Variants in DIS3L2 observed in about 807,000 individuals in gnomAD.
The protein encoded by DIS3L2 is DIS3 like 3'-5' exoribonuclease 2.
Under a neutral mutation model 97.5 loss-of-function variants are expected in DIS3L2, and 34 were observed. The observed-to-expected ratio is 0.35, with a 90% confidence interval of 0.27 to 0.46. The LOEUF (loss-of-function observed/expected upper bound fraction) is 0.46, where lower values mean the gene tolerates loss of function less well. DIS3L2 is among the 20% of genes least tolerant of loss of function. The pLI is 1.00. For missense variants in DIS3L2, 1,038 were observed against 1,146.0 expected (o/e 0.91, Z 1.36); for synonymous variants, 435 against 445.2 (o/e 0.98, Z 0.29).
chr2:232,184,422 G>C (rs973507591), intron 9 of DIS3L2, among the ~76,000 whole-genome samples: 3 of 152,154 alleles, frequency 2.0e-5, no homozygotes, highest in Admixed American at 1.3e-4. Context: ...CCAGTACTTT[G>C]GGTGGATTGA....
At chr2:232,115,617 A>C (rs754020823) in intron 6 of DIS3L2, among the ~76,000 whole-genome samples, 14 of 152,036 alleles carry the variant, frequency 9.2e-5, no homozygotes, top group Non-Finnish European at 1.3e-4. Flanking sequence ...GAGGGAGTTG[A>C]TTGGATCATG....
intron 8 of DIS3L2, among the ~76,000 whole-genome samples, chr2:232,161,081 C>T (rs551791666): frequency 6.6e-5 from 10 of 152,094 alleles, no homozygotes; most frequent in Non-Finnish European, 1.5e-4. Flanking sequence ...TCACGCCCAG[C>T]TAATTTTTGT....
intron 12 of DIS3L2, among the ~76,000 whole-genome samples, 189 bp downstream of exon 12, chr2:232,249,535 G>A (rs1036731611): frequency 1.3e-5 from 2 of 152,212 alleles, no homozygotes; most frequent in African/African-American, 4.8e-5. Flanking sequence ...TAGAAGCCAA[G>A]ACTGACCTTA....
intron 14 of DIS3L2, among the ~76,000 whole-genome samples, chr2:232,317,968 A>G (rs764742262): frequency 5.3e-5 from 8 of 152,220 alleles, no homozygotes; most frequent in Non-Finnish European, 7.3e-5. Flanking sequence ...TAGTCTGCCT[A>G]AGGTTACCCA....
chr2:232,117,751 C>CT (rs1463851545), intron 6 of DIS3L2, among the ~76,000 whole-genome samples: 4 of 152,216 alleles, frequency 2.6e-5, no homozygotes, highest in African/African-American at 9.6e-5. Context: ...TGTGGCTGTG[C>CT]TTTATCTTTT....
intron 1 of DIS3L2, among the ~76,000 whole-genome samples, chr2:231,990,308 C>G (rs769043565): frequency 6.6e-6 from 1 of 151,938 alleles, no homozygotes; most frequent in Non-Finnish European, 1.5e-5. Context: ...TTCTAAAGTA[C>G]TTGTGTTTGA....
intron 1 of DIS3L2, among the ~76,000 whole-genome samples, chr2:231,982,683 A>AT (rs111376702): frequency 0.13 from 19,005 of 142,530 alleles, 2,856 homozygotes; most frequent in African/African-American, 0.37. Context: ...TTATTCAAGC[A>AT]TTTTTTTTTT....
intron 14 of DIS3L2, among the ~76,000 whole-genome samples, chr2:232,315,614 T>C (rs930316744): frequency 6.6e-6 from 1 of 152,200 alleles, no homozygotes; most frequent in African/African-American, 2.4e-5. Flanking sequence ...GGAATTGCTG[T>C]GCTTGATGAC....
chr2:232,081,978 C>G (rs919227030), intron 5 of DIS3L2, among the ~76,000 whole-genome samples: 3 of 152,194 alleles, frequency 2.0e-5, no homozygotes, highest in African/African-American at 7.2e-5. Flanking sequence ...TTGGTAGAGA[C>G]AGGGTTTCGC....
At chr2:232,091,939 G>A (rs1696850638) in intron 6 of DIS3L2, among the ~76,000 whole-genome samples, 1 of 152,074 alleles carries the variant, frequency 6.6e-6, no homozygotes, top group Non-Finnish European at 1.5e-5. Flanking sequence ...TTTGCCATTT[G>A]TCTGTCTTCC....
chr2:232,166,088 AAATAAATAAATAAATAAAT>A (rs1248546875), intron 9 of DIS3L2, among the ~76,000 whole-genome samples: 8 of 142,078 alleles, frequency 5.6e-5, no homozygotes, highest in African/African-American at 2.3e-4. Flanking sequence ...ATAAATAAAT[AAATAAATAAATAAATAAAT>A]AAATAAATAA....
chr2:232,311,335 AACTT>A (rs1361553018), intron 14 of DIS3L2, among the ~76,000 whole-genome samples: 2 of 152,218 alleles, frequency 1.3e-5, no homozygotes, highest in African/African-American at 4.8e-5. Context: ...TGCTTTGTAA[AACTT>A]ACTTCTGAAT....
chr2:232,235,407 A>G (rs1218934127), intron 10 of DIS3L2, among the ~76,000 whole-genome samples: 1 of 152,236 alleles, frequency 6.6e-6, no homozygotes, highest in African/African-American at 2.4e-5. Flanking sequence ...CATTATGTAA[A>G]CATATATAAT....
At chr2:232,340,402 A>G (rs1575032713), downstream of DIS3L2, among the ~76,000 whole-genome samples, 1 of 152,138 alleles carries the variant, frequency 6.6e-6, no homozygotes, top group Admixed American at 6.5e-5. Context: ...GTTGCAAACA[A>G]TTCAGTAGGC....
rs1188128465 is a variant in DIS3L2 at position 232,336,214 on chromosome 2, T to C, written c.2497-255T>C. On this transcript the variant is annotated intron_variant, in intron 20 of 20. Coordinates refer to ENST00000325385, the MANE Select transcript of DIS3L2 (RefSeq NM_152383.5). The stretch of plus-strand genomic sequence containing the variant: ...TGTCTGGAACCGTTTTCACCAACAG[T>C]GTGCCCTGAACGCGGACCCAGGCCC... 10 of 1,536,614 alleles carry C rather than the reference T, an allele frequency of 6.5e-6. No individual in the cohort carries two copies. The African/African-American group carries it at 6.9e-5, about 11-fold the overall frequency.
At chr2:232,045,670 CTTTTTTT>C (rs35019734) in intron 5 of DIS3L2, among the ~76,000 whole-genome samples, 1 of 99,052 alleles carries the variant, frequency 1.0e-5, no homozygotes, top group Non-Finnish European at 1.9e-5. Flanking sequence ...AAAGGCCTCA[CTTTTTTT>C]TTTTTTTTTT....
chr2:232,323,407 G>A (rs1184797121), intron 14 of DIS3L2, among the ~76,000 whole-genome samples: 1 of 152,204 alleles, frequency 6.6e-6, no homozygotes, highest in African/African-American at 2.4e-5. Context: ...GGCAAGGCCT[G>A]AGGGCCCAAA....
intron 4 of DIS3L2, among the ~76,000 whole-genome samples, chr2:232,027,831 A>G (rs1401137968): frequency 6.6e-6 from 1 of 152,222 alleles, no homozygotes; most frequent in Non-Finnish European, 1.5e-5. Context: ...TGAAATACAG[A>G]ATGTGAGTAA....
chr2:232,137,990 CTGTT>C lies in DIS3L2; in HGVS notation c.950+1274_950+1277del, dbSNP rs368917824. Among the ~76,000 whole-genome samples, 442 of 152,294 alleles carry C rather than the reference CTGTT, an allele frequency of 2.9e-3. 1 individual carries two copies. Among genetic ancestry groups the C allele is most frequent in the Non-Finnish European group, 4.8e-3 (324 of 68,030 alleles). ...GTCCTGTTGATTGTGCAGCCACACT[CTGTT>C]TGGCAGTAAAAGAGGAAGACTTTCA... On this transcript the variant is annotated intron_variant, in intron 8 of 20. Coordinates refer to ENST00000325385, the MANE Select transcript of DIS3L2 (RefSeq NM_152383.5).
Sources: gnomAD v4.1 joint callset for allele counts (sites outside exome capture counted in the v4.1 genomes callset) on GRCh38, gnomAD v4.1.1 for gene constraint, MANE v1.5 for transcripts, NCBI Gene and HGNC (gene_info 2026-07-23, HGNC 2026-07-21) for gene names.